The following GALNT13 variants were observed in gnomAD, a reference collection of about 807,000 sequenced individuals.
GALNT13 encodes the protein UDP-GalNAc:polypeptide N-acetylgalactosaminyltransferase 13.
GALNT13 carries 28 observed loss-of-function variants against 64.2 expected under a neutral mutation model. The ratio of observed to expected loss-of-function variants is 0.44; its 90% CI spans 0.32 to 0.60. The LOEUF (loss-of-function observed/expected upper bound fraction) is 0.60. Among genes scored for constraint, GALNT13 ranks in the 20% least tolerant of loss-of-function variants. The pLI, the probability that GALNT13 is intolerant of heterozygous loss-of-function variation, is 0.05. For missense variants in GALNT13, 577 were observed against 669.8 expected, an observed-to-expected ratio of 0.86 and a Z score of 1.53; for synonymous variants, 214 against 224.6, an observed-to-expected ratio of 0.95 and a Z score of 0.42.
At chr2:153,248,078 C>T in the GALNT13 span, among the ~76,000 whole-genome samples, 3 of 152,074 alleles carry the variant, frequency 2.0e-5, no homozygotes, top group African/African-American at 4.8e-5. Flanking sequence ...TGATAGCCTG[C>T]TAACTAAAAA....
At chr2:153,714,434 T>G in the GALNT13 span, among the ~76,000 whole-genome samples, 1 of 152,218 alleles carries the variant, frequency 6.6e-6, no homozygotes, top group Non-Finnish European at 1.5e-5. Flanking sequence ...TTTTACTGCA[T>G]GCTTTCAAAA....
intron 1 of GALNT13, among the ~76,000 whole-genome samples, chr2:153,888,801 C>T (rs1435937925): frequency 6.6e-6 from 1 of 151,870 alleles, no homozygotes; most frequent in Non-Finnish European, 1.5e-5. Context: ...TGTATTATTG[C>T]ATCTATCTGC....
At chr2:153,610,720 G>A in the GALNT13 span, among the ~76,000 whole-genome samples, 1 of 151,954 alleles carries the variant, frequency 6.6e-6, no homozygotes, top group Non-Finnish European at 1.5e-5. Context: ...CAAAGCCCAA[G>A]TTATAGGCTG....
the GALNT13 span, among the ~76,000 whole-genome samples, chr2:153,471,102 T>C: frequency 1.3e-5 from 2 of 152,068 alleles, no homozygotes; most frequent in African/African-American, 4.8e-5. Flanking sequence ...CCCATGCTAA[T>C]TATAGAGAAG....
At chr2:153,293,530 G>A in the GALNT13 span, among the ~76,000 whole-genome samples, 4 of 152,080 alleles carry the variant, frequency 2.6e-5, no homozygotes, top group Non-Finnish European at 4.4e-5. Flanking sequence ...GAGTCTCCAG[G>A]AAAAACGCAG....
At chr2:154,117,814 C>A (rs142028407) in intron 3 of GALNT13, among the ~76,000 whole-genome samples, 11 of 152,304 alleles carry the variant, frequency 7.2e-5, no homozygotes, top group African/African-American at 2.6e-4. Flanking sequence ...GGATCATTGT[C>A]TGTCACCTTA....
upstream of GALNT13, among the ~76,000 whole-genome samples, chr2:153,869,301 A>T (rs1011582995): frequency 1.3e-5 from 2 of 152,114 alleles, no homozygotes; most frequent in African/African-American, 4.8e-5. Context: ...TTTGAATTAG[A>T]TTGTCTCAGT....
intron 1 of GALNT13, among the ~76,000 whole-genome samples, chr2:153,873,670 G>A (rs1686149444): frequency 6.6e-6 from 1 of 152,196 alleles, no homozygotes; most frequent in East Asian, 1.9e-4. Context: ...ATCGTGGTCA[G>A]CCTTCCCTGA....
rs113446347 is a variant in GALNT13 at position 154,391,638 on chromosome 2, C to T, written c.1157-4353C>T. On this transcript the variant is annotated intron_variant, in intron 9 of 12. Coordinates refer to ENST00000392825, the MANE Select transcript of GALNT13 (RefSeq NM_052917.4). Reference sequence around the variant, plus strand: ...GTCAGGCGTGCAAAACAACAGCTATCCAATGCAATATATGATGTGTATTAA... The same window carrying T: ...GTCAGGCGTGCAAAACAACAGCTATTCAATGCAATATATGATGTGTATTAA... 2.6e-3 allele frequency among the ~76,000 whole-genome samples: 395 copies of T among 152,214 alleles called. 1 individual carries two copies. Among genetic ancestry groups the T allele is most frequent in the Non-Finnish European group, 4.1e-3 (278 of 68,010 alleles).
intron 3 of GALNT13, among the ~76,000 whole-genome samples, chr2:154,120,264 T>C (rs756978785): frequency 3.4e-4 from 52 of 152,146 alleles, no homozygotes; most frequent in Non-Finnish European, 1.3e-4. Flanking sequence ...ATAGCTTCTG[T>C]CTCAGGACTG....
intron 3 of GALNT13, among the ~76,000 whole-genome samples, chr2:154,017,162 A>T (rs1697066165): frequency 6.6e-6 from 1 of 152,150 alleles, no homozygotes; most frequent in African/African-American, 2.4e-5. Context: ...TGCAGACTTC[A>T]TTTTTTCATC....
intron 3 of GALNT13, among the ~76,000 whole-genome samples, chr2:153,963,767 G>A (rs1005495294): frequency 1.3e-5 from 2 of 148,680 alleles, no homozygotes; most frequent in Admixed American, 6.7e-5. Flanking sequence ...GTGTGTGTGT[G>A]TGTGTGTGTG....
chr2:153,716,869 T>A, the GALNT13 span, among the ~76,000 whole-genome samples: 2 of 152,182 alleles, frequency 1.3e-5, no homozygotes, highest in African/African-American at 2.4e-5. Context: ...GGCCCCCTAC[T>A]GCAAGCGTGA....
chr2:153,549,144 GTT>G, the GALNT13 span, among the ~76,000 whole-genome samples: 4 of 152,068 alleles, frequency 2.6e-5, no homozygotes, highest in African/African-American at 4.8e-5. Flanking sequence ...ATGGGTAGGG[GTT>G]TCTTTTTGGG....
intron 4 of GALNT13, among the ~76,000 whole-genome samples, chr2:154,165,225 A>G (rs1202629556): frequency 6.6e-6 from 1 of 152,128 alleles, no homozygotes; most frequent in Non-Finnish European, 1.5e-5. Context: ...CAATTAGAAG[A>G]CTGATATTTT....
At chr2:153,121,509 C>A in the GALNT13 span, among the ~76,000 whole-genome samples, 1 of 152,098 alleles carries the variant, frequency 6.6e-6, no homozygotes, top group African/African-American at 2.4e-5. Context: ...TTTCATCTCT[C>A]AATGTAATAT....
the GALNT13 span, among the ~76,000 whole-genome samples, chr2:153,650,707 C>G: frequency 1.3e-5 from 2 of 152,242 alleles, no homozygotes; most frequent in East Asian, 3.9e-4. Flanking sequence ...TATTTTATTT[C>G]TCCTTCACTT....
chr2:153,972,902 C>T (rs1693836999), intron 3 of GALNT13, among the ~76,000 whole-genome samples: 1 of 151,760 alleles, frequency 6.6e-6, no homozygotes, highest in Non-Finnish European at 1.5e-5. Context: ...AATCCTGTGA[C>T]AAAGAATAAA....
intron 3 of GALNT13, among the ~76,000 whole-genome samples, chr2:154,066,648 A>G (rs907393116): frequency 2.0e-5 from 3 of 152,154 alleles, no homozygotes; most frequent in Admixed American, 1.3e-4. Flanking sequence ...TTCTTCCAAC[A>G]TGAAGGAGAA....
Sources: gnomAD v4.1 joint callset for allele counts (sites outside exome capture counted in the v4.1 genomes callset) on GRCh38, gnomAD v4.1.1 for gene constraint, MANE v1.5 for transcripts, NCBI Gene and HGNC (gene_info 2026-07-23, HGNC 2026-07-21) for gene names.